Variants in LSR observed in about 807,000 individuals in gnomAD.
LSR encodes lipolysis-stimulated lipoprotein receptor.
In LSR, 44 loss-of-function variants were observed where a neutral mutation model predicts 61.8. The observed-to-expected ratio is 0.71, with a 90% CI of 0.56 to 0.91. The LOEUF is 0.91. Ranked by LOEUF, LSR falls within the 40% of genes least tolerant of loss-of-function variation. The pLI, the probability that LSR is intolerant of heterozygous loss-of-function variation, is 0.00. For synonymous variants in LSR, 397 were observed against 350.6 expected (o/e 1.13, Z -1.48); for missense variants, 911 against 830.5 (o/e 1.10, Z -1.19).
chr19:35,262,910 T>C (rs748230006), intron 5 of LSR: 61 of 584,924 alleles, frequency 1.0e-4, no homozygotes, highest in Non-Finnish European at 1.6e-4. Context: ...TTTTCTTTTG[T>C]AAGTATAATC....
chr19:35,257,446 C>T (rs571011662), intron 2 of LSR, among the ~76,000 whole-genome samples: 5 of 152,244 alleles, frequency 3.3e-5, no homozygotes, highest in East Asian at 1.9e-4. Flanking sequence ...TTAGGGAAGG[C>T]GTCTGGAATG....
Position 35,262,208 on chromosome 19 carries a change from C to T in LSR, c.631+227C>T, listed in dbSNP as rs76968119. On this transcript the variant is annotated intron_variant, in intron 4 of 9. Coordinates refer to ENST00000605618, the MANE Select transcript of LSR (RefSeq NM_205834.4). ...CAGGCCAGGGCTCTGTGACTGGCAC[C>T]TGCGGTGCTCTTGAGGGTGTGGCGT... Among the ~76,000 whole-genome samples the T allele has an allele frequency of 5.5e-3, 837 of 152,298 alleles. 8 individuals carry two copies. The highest frequency in any genetic ancestry group is 0.019 in the African/African-American group (803 of 41,562).
chr19:35,255,702 C>A (rs569324100), intron 2 of LSR, among the ~76,000 whole-genome samples: 1 of 152,306 alleles, frequency 6.6e-6, no homozygotes, highest in African/African-American at 2.4e-5. Context: ...ATCCGGAAGC[C>A]TTCCCTGGCC....
intron 5 of LSR, among the ~76,000 whole-genome samples, chr19:35,263,259 C>T (rs572455542): frequency 1.2e-4 from 18 of 150,670 alleles, no homozygotes; most frequent in Non-Finnish European, 2.1e-4. Context: ...CCAGCCTGGG[C>T]GACAGAGTGA....
At chr19:35,263,274 C>G (rs1028309244) in intron 5 of LSR, among the ~76,000 whole-genome samples, 1 of 150,368 alleles carries the variant, frequency 6.7e-6, no homozygotes, top group Non-Finnish European at 1.5e-5. Context: ...GAGTGAGACT[C>G]TGTCTCAAAA....
At chr19:35,252,917 A>C (rs544751265) in intron 2 of LSR, among the ~76,000 whole-genome samples, 1 of 152,232 alleles carries the variant, frequency 6.6e-6, no homozygotes, top group African/African-American at 2.4e-5. Context: ...GCTGCTCAGG[A>C]GGCTGAGGTG....
rs1479966278 is a variant in LSR, at chr19:35,267,394, C to T, written c.1430C>T (p.Pro477Leu). ...GGTGGGAGAAGCCGGGCCTACATGCCCCCGCGGAGCCGCAGCCGGGACGAC... is the reference window on the plus strand; with the variant it reads ...GGTGGGAGAAGCCGGGCCTACATGCTCCCGCGGAGCCGCAGCCGGGACGAC... The part of the protein sequence containing the change: ...SNGGRSRAYM[P>L]PRSRSRDDLY... The change falls in exon 9 of 10, where the codon CCC becomes CTC. Residue 477 changes from proline (P) to leucine (L), a missense_variant. Coordinates refer to ENST00000605618, the MANE Select transcript of LSR (RefSeq NM_205834.4). 1 of 1,606,582 alleles carries T rather than the reference C, an allele frequency of 6.2e-7. No homozygotes were observed.
intron 5 of LSR, among the ~76,000 whole-genome samples, chr19:35,265,775 C>G (rs919113526): frequency 6.6e-6 from 1 of 152,036 alleles, no homozygotes; most frequent in African/African-American, 2.4e-5. Flanking sequence ...CAAGTTAATT[C>G]CCGAGGCTCC....
intron 2 of LSR, among the ~76,000 whole-genome samples, chr19:35,251,866 G>C (rs926253376): frequency 1.4e-5 from 1 of 72,338 alleles, no homozygotes; most frequent in East Asian, 4.3e-4. Flanking sequence ...ACGGAGTCTC[G>C]CTCTGTCGCC....
intron 5 of LSR, 28 bp from the exon 6 acceptor site, chr19:35,266,331 C>T (rs1197747058): frequency 6.5e-7 from 1 of 1,542,320 alleles, no homozygotes; most frequent in Admixed American, 1.9e-5. Context: ...GCCTCATCCC[C>T]CTTCTCCTGT....
In LSR at chr19:35,261,897, A is replaced by G. The variant is rs757976233; in HGVS notation, c.575-28A>G. 4 of 1,425,990 alleles carry G rather than the reference A, an allele frequency of 2.8e-6. No homozygotes were observed. In the African/African-American group the frequency reaches 6.0e-5, roughly 21 times the overall value. The allele number at this position is 1,425,990 out of a possible 1,614,324, so 88.3% of individuals were successfully genotyped here. A position where few individuals can be genotyped will look rare whatever the true frequency, so the allele number is the denominator to read the frequency against. ...ACAGCCTGGGCTGGCTCTGGCCAGC[A>G]TAATCTGTTTCTCTTTTGTCCCTCC... On this transcript the variant is annotated intron_variant, in intron 3 of 9. Coordinates refer to ENST00000605618, the MANE Select transcript of LSR (RefSeq NM_205834.4).
chr19:35,251,910 C>A (rs1225875092), intron 2 of LSR, among the ~76,000 whole-genome samples: 2 of 142,214 alleles, frequency 1.4e-5, no homozygotes, highest in Non-Finnish European at 3.0e-5. Flanking sequence ...TCTCGGCTCA[C>A]TGCAAGCTCC....
rs199747858 is a variant in LSR at position 35,259,104 on chromosome 19, T to C, written c.574+40T>C. 50 of 1,598,312 alleles carry C rather than the reference T, an allele frequency of 3.1e-5. No homozygotes were observed. In the East Asian group the frequency reaches 1.1e-3, roughly 34 times the overall value. ...GAAGGGGGAGGCATGGCCCTTCCTTTTGTCCGCTTCTGTTCTGTCTGCCCT... is the reference window on the plus strand; with the variant it reads ...GAAGGGGGAGGCATGGCCCTTCCTTCTGTCCGCTTCTGTTCTGTCTGCCCT... On this transcript the variant is annotated intron_variant, in intron 3 of 9. Coordinates refer to ENST00000605618, the MANE Select transcript of LSR (RefSeq NM_205834.4).
At chr19:35,251,840 G>GTTTTTTTTTTTTTTTTTTTTTTTT (rs1339584339) in intron 2 of LSR, 2 of 120,474 alleles carry the variant, frequency 1.7e-5, no homozygotes, top group African/African-American at 6.4e-5. Context: ...TGAGAACCTT[G>GTTTTTTTTTTTTTTTTTTTTTTTT]TTCTTTTTTT....
rs748214082 is a variant in LSR at position 35,266,928 on chromosome 19, C to T, written c.1105C>T (p.Pro369Ser). The change falls in exon 8 of 10, where the codon CCT becomes TCT. Residue 369 changes from proline to serine, a missense_variant. Pro to Ser is a moderately conservative substitution (Grantham distance 74). Transcript: ENST00000605618. ...YMEKELANFDPSRPGPPSGRV... is the reference protein window; with the variant it reads ...YMEKELANFDSSRPGPPSGRV... ...GGAGAAGGAGCTGGCCAACTTCGACCCTTCTCGACCTGGCCCCCCCAGTGG... is the reference window on the plus strand; with the variant it reads ...GGAGAAGGAGCTGGCCAACTTCGACTCTTCTCGACCTGGCCCCCCCAGTGG... The T allele has an allele frequency of 1.1e-5, 18 of 1,613,702 alleles. No individual in the cohort carries two copies. The East Asian group carries it at 3.1e-4, about 28-fold the overall frequency.
Position 35,267,566 on chromosome 19 carries a change from G to A in LSR, c.1602G>A (p.Gly534=). ...RDPRDNGSRS[G]DLPYDGRLLE... Reference sequence around the variant, plus strand: ...CTCGGGACAACGGCTCCAGGTCCGGGGACCTCCCCTATGATGGGCGGCTAC... The same window carrying A: ...CTCGGGACAACGGCTCCAGGTCCGGAGACCTCCCCTATGATGGGCGGCTAC... Residue 534 remains glycine, a synonymous_variant, in exon 9 of 10, where the codon GGG becomes GGA. Transcript: ENST00000605618. 1 of 1,612,328 alleles carries A rather than the reference G, an allele frequency of 6.2e-7. No homozygotes were observed. The highest frequency in any genetic ancestry group is 1.1e-5 in the South Asian group (1 of 91,008).
At chr19:35,263,287 A>AAAAG (rs986879692) in intron 5 of LSR, among the ~76,000 whole-genome samples, 1 of 152,156 alleles carries the variant, frequency 6.6e-6, no homozygotes, top group Non-Finnish European at 1.5e-5. Context: ...TCTCAAAAAA[A>AAAAG]AAAGAAAAAA....
At position 35,262,698 on chromosome 19, in the gene LSR, T is replaced by C. The variant is rs1373872804; in HGVS notation, c.778+6T>C. The C allele has an allele frequency of 1.2e-6, 2 of 1,612,468 alleles. No individual in the cohort carries two copies. Among genetic ancestry groups the C allele is most frequent in the Non-Finnish European group, 1.7e-6 (2 of 1,179,458 alleles). Reference sequence around the variant, plus strand: ...GTGCTGCTGCCCCGAGGCCCGTAAGTGTCCCGCTCATGGCCACCCTGGTTT... The same window carrying C: ...GTGCTGCTGCCCCGAGGCCCGTAAGCGTCCCGCTCATGGCCACCCTGGTTT... On this transcript the variant is annotated splice_donor_region_variant and intron_variant, in intron 5 of 9. Transcript: ENST00000605618.
At chr19:35,263,632 G>T (rs1435743868) in intron 5 of LSR, among the ~76,000 whole-genome samples, 1 of 152,024 alleles carries the variant, frequency 6.6e-6, no homozygotes, top group Non-Finnish European at 1.5e-5. Context: ...CAAAGTGCTG[G>T]GATTACAGGC....
Sources: allele counts gnomAD v4.1 joint callset (sites outside exome capture counted in the v4.1 genomes callset), GRCh38; gene constraint gnomAD v4.1.1; transcripts MANE v1.5; gene names NCBI Gene and HGNC (gene_info 2026-07-23, HGNC 2026-07-21).